BRD3: variants seen among roughly 807,000 people sequenced by gnomAD.
BRD3 encodes bromodomain containing 3.
Under a neutral mutation model 66.8 loss-of-function variants are expected in BRD3, and 17 were observed. The ratio of observed to expected loss-of-function variants is 0.25; its 90% confidence interval spans 0.17 to 0.38. The LOEUF is 0.38. BRD3 is among the 10% of genes least tolerant of loss of function. BRD3 has a pLI of 1.00. For missense variants in BRD3, 713 were observed against 956.1 expected (o/e 0.75, Z 3.35); for synonymous variants, 421 against 393.2 (o/e 1.07, Z -0.84).
At chr9:134,051,111 GA>G (rs1391252500) in intron 4 of BRD3, among the ~76,000 whole-genome samples, 1 of 152,204 alleles carries the variant, frequency 6.6e-6, no homozygotes, top group East Asian at 1.9e-4. Context: ...CATGCTCCCT[GA>G]CAGCAAGACG....
rs1162049200 is a variant in BRD3 at position 134,053,414 on chromosome 9, G to T, written c.64C>A (p.Pro22Thr). 1.9e-6 allele frequency: 3 copies of T among 1,610,598 alleles called. No individual in the cohort carries two copies. Among genetic ancestry groups the T allele is most frequent in the Non-Finnish European group, 2.5e-6 (3 of 1,178,314 alleles). The part of the protein sequence containing the change: ...IPATPGPVNP[P>T]PPEVSNPSKP... ...CTGGGGTTGGAGACCTCCGGGGGGG[G>T]TGGGTTCACAGGGCCCGGGGTCGCC... The change falls in exon 2 of 12, where the codon CCC (proline) becomes ACC (threonine). Residue 22 changes from proline (P) to threonine (T), a missense_variant. Around this residue, in one of 5 missense-constraint regions of BRD3, gnomAD observed 48 missense variants for 42.5 expected, o/e 1.13. Transcript: ENST00000303407.
At chr9:134,051,961 G>A (rs1411962907) in intron 3 of BRD3, among the ~76,000 whole-genome samples, 2 of 147,852 alleles carry the variant, frequency 1.4e-5, no homozygotes, top group East Asian at 2.0e-4. Flanking sequence ...CATGATCTCG[G>A]CTCACTGCAA....
rs1388226798 is a variant in BRD3 at position 134,032,563 on chromosome 9, C to A, written c.*1027G>T. 4.3e-6 allele frequency: 1 copy of A among 231,342 alleles called. No individual in the cohort carries two copies. Among genetic ancestry groups the A allele is most frequent in the African/African-American group, 2.2e-5 (1 of 45,222 alleles). 14.3% of individuals were successfully genotyped at this position (231,342 alleles called of 1,614,324 possible). ...GGCAGGAGTTAGCACCTGGAGACGA[C>A]AGGCCGCCGCCAGACAGGACCCGCG... On this transcript the variant is annotated 3_prime_UTR_variant, in exon 12 of 12. Transcript: ENST00000303407.
intron 8 of BRD3, 94 bp downstream of exon 8, chr9:134,041,666 G>A: frequency 6.9e-7 from 1 of 1,444,174 alleles, no homozygotes; most frequent in Non-Finnish European, 9.3e-7. Context: ...GACAGGGGCA[G>A]AGGAAGGAAC....
At position 134,060,587 on chromosome 9, in the gene BRD3, G is replaced by GACACACACACACAC. The variant is rs10661799; in HGVS notation, c.-113-7011_-113-6998dup. Reference sequence around the variant, plus strand: ...AGCCTGGATGTCAGAGCAAGACCCTGACACACACACACACACACACACACA... The same window carrying GACACACACACACAC: ...AGCCTGGATGTCAGAGCAAGACCCTGACACACACACACACACACACACACACACACACACACACA... On this transcript the variant is annotated intron_variant, in intron 1 of 11. Coordinates refer to ENST00000303407, the MANE Select transcript of BRD3 (RefSeq NM_007371.4). 2.2e-3 allele frequency among the ~76,000 whole-genome samples: 320 copies of GACACACACACACAC among 143,864 alleles called. 3 individuals carry two copies. The highest frequency in any genetic ancestry group is 5.8e-3 in the African/African-American group (222 of 38,220). 94.4% of individuals were successfully genotyped at this position (143,864 alleles called of 152,430 possible). A position where few individuals can be genotyped will look rare whatever the true frequency, so the allele number is the denominator to read the frequency against.
At chr9:134,064,569 C>G (rs560098865) in intron 1 of BRD3, among the ~76,000 whole-genome samples, 171 of 151,470 alleles carry the variant, frequency 1.1e-3, no homozygotes, top group Non-Finnish European at 2.2e-3. Context: ...AATGAGCTCT[C>G]AAGCATCTTG....
At chr9:134,037,815 T>C (rs1355802855) in intron 9 of BRD3, among the ~76,000 whole-genome samples, 1 of 151,998 alleles carries the variant, frequency 6.6e-6, no homozygotes, top group Admixed American at 6.6e-5. Flanking sequence ...AAATTACCAA[T>C]ATCAGGAATG....
intron 1 of BRD3, among the ~76,000 whole-genome samples, 160 bp downstream of exon 1, chr9:134,067,785 A>AGGCGGCGGC (rs912414081): frequency 3.5e-5 from 5 of 141,884 alleles, no homozygotes; most frequent in South Asian, 4.5e-4. Context: ...CCGCGCACAA[A>AGGCGGCGGC]GGCGGCGGCG....
chr9:134,064,042 C>T (rs894158235), intron 1 of BRD3, among the ~76,000 whole-genome samples: 2 of 152,220 alleles, frequency 1.3e-5, no homozygotes, highest in Non-Finnish European at 1.5e-5. Flanking sequence ...AGGCAGCCTG[C>T]GAACTGACTC....
chr9:134,057,056 A>T (rs1830440268), intron 1 of BRD3: 1 of 151,852 alleles, frequency 6.6e-6, no homozygotes, highest in Non-Finnish European at 1.5e-5. Context: ...AACTCGAAAG[A>T]CCTCCCCTAG....
chr9:134,035,177 T>A (rs1843580379), intron 10 of BRD3, among the ~76,000 whole-genome samples: 1 of 152,340 alleles, frequency 6.6e-6, no homozygotes, highest in South Asian at 2.1e-4. Context: ...CTCTGATTCA[T>A]GGACCTGCCT....
intron 1 of BRD3, among the ~76,000 whole-genome samples, chr9:134,066,383 G>A (rs931918880): frequency 6.6e-6 from 1 of 152,204 alleles, no homozygotes; most frequent in Non-Finnish European, 1.5e-5. Context: ...GGCTGCATCA[G>A]GGCTGCCAGG....
In BRD3 at chr9:134,032,866, TTC is replaced by T; in HGVS notation, c.*722_*723del. ...TTTTTTTTTTTTTTTAAATCTTTTC[TTC>T]TTTTTTTTTTTTTAAAGTTGAGGTA... is the stretch of plus-strand genomic sequence containing the variant. On this transcript the variant is annotated 3_prime_UTR_variant, in exon 12 of 12. Coordinates refer to ENST00000303407, the MANE Select transcript of BRD3 (RefSeq NM_007371.4). The T allele has an allele frequency of 7.6e-6, 2 of 261,704 alleles. No homozygotes were observed. Among genetic ancestry groups the T allele is most frequent in the Admixed American group, 5.9e-5 (1 of 16,922 alleles). 16.2% of individuals were successfully genotyped at this position (261,704 alleles called of 1,614,324 possible).
At chr9:134,048,023 A>G (rs1194003273) in intron 6 of BRD3, 60 bp downstream of exon 6, 3 of 1,480,412 alleles carry the variant, frequency 2.0e-6, no homozygotes, top group Non-Finnish European at 2.7e-6. Context: ...ACAAGACATC[A>G]GCACCCACGG....
At chr9:134,052,206 T>TG (rs1324182265) in intron 3 of BRD3, 100 bp downstream of exon 3, 1 of 1,479,134 alleles carries the variant, frequency 6.8e-7, no homozygotes, top group African/African-American at 1.4e-5. Context: ...TGAAGCGCTT[T>TG]GGGCCTGCCC....
At chr9:134,060,326 G>A (rs1229270502) in intron 1 of BRD3, among the ~76,000 whole-genome samples, 1 of 152,228 alleles carries the variant, frequency 6.6e-6, no homozygotes, top group Non-Finnish European at 1.5e-5. Context: ...GCCATGCGCA[G>A]TGACTCAGGC....
Position 134,042,652 on chromosome 9 carries a change from C to T in BRD3, c.1216-701G>A, listed in dbSNP as rs927831489. ...ACCCTGCCTCAAATATATATACACA[C>T]ACACACACACACACACACATATATA... On this transcript the variant is annotated intron_variant, in intron 7 of 11. Transcript: ENST00000303407. Among the ~76,000 whole-genome samples the T allele has an allele frequency of 3.7e-4, 51 of 138,784 alleles. No individual in the cohort carries two copies. In the South Asian group the frequency reaches 6.9e-3, roughly 19 times the overall value. 91.0% of individuals were successfully genotyped at this position (138,784 alleles called of 152,430 possible). A position where few individuals can be genotyped will look rare whatever the true frequency, so the allele number is the denominator to read the frequency against.
intron 1 of BRD3, among the ~76,000 whole-genome samples, chr9:134,055,607 G>A (rs946236290): frequency 1.3e-5 from 2 of 152,290 alleles, no homozygotes; most frequent in Middle Eastern, 6.8e-3. Flanking sequence ...AGCACCACAC[G>A]CAGCTCCGCT....
rs1001934671 is a variant in BRD3 at position 134,041,908 on chromosome 9, A to G, written c.1259T>C (p.Val420Ala). The G allele has an allele frequency of 1.2e-6, 2 of 1,607,556 alleles. No homozygotes were observed. Among genetic ancestry groups the G allele is most frequent in the Non-Finnish European group, 8.5e-7 (1 of 1,176,290 alleles). ...GGGGGCAGGCAGCGCCGGTGCCTCC[A>G]CGGGCTCATCTGGCATCTTGGCAAA... Reference protein sequence around the residue: ...MRFAKMPDEPVEAPALPAPAA... With the variant: ...MRFAKMPDEPAEAPALPAPAA... The change falls in exon 8 of 12, where the codon GTG becomes GCG. Residue 420 changes from valine to alanine, a missense_variant. By Grantham distance (64) the Val-to-Ala change is moderately conservative (BLOSUM62 0). Around this residue, in one of 5 missense-constraint regions of BRD3, gnomAD observed 418 missense variants for 609.3 expected, o/e 0.69. Coordinates refer to ENST00000303407, the MANE Select transcript of BRD3 (RefSeq NM_007371.4).
Sources: allele counts gnomAD v4.1 joint callset (sites outside exome capture counted in the v4.1 genomes callset), GRCh38; gene constraint gnomAD v4.1.1; regional missense constraint gnomAD v4.1.1; transcripts MANE v1.5; gene names NCBI Gene and HGNC (gene_info 2026-07-23, HGNC 2026-07-21).